Variants in STK31 observed in about 807,000 individuals in gnomAD.
STK31 encodes serine/threonine-protein kinase 31.
In STK31, 89 loss-of-function variants were observed where a neutral mutation model predicts 129.7. That is an observed-to-expected ratio of 0.69 (90% CI 0.58 to 0.82). STK31 has a LOEUF of 0.82. Among genes scored for constraint, STK31 ranks in the 40% least tolerant of loss-of-function variants. The pLI, the probability that STK31 is intolerant of heterozygous loss-of-function variation, is 0.00. For synonymous variants in STK31, 448 were observed against 395.3 expected, an observed-to-expected ratio of 1.13 and a Z score of -1.58; for missense variants, 1,187 against 1,176.4, an observed-to-expected ratio of 1.01 and a Z score of -0.13.
chr7:23,820,720 T>C (rs189013140), intron 23 of STK31, among the ~76,000 whole-genome samples: 88 of 152,346 alleles, frequency 5.8e-4, no homozygotes, highest in African/African-American at 1.9e-3. Flanking sequence ...CATTCAACTC[T>C]ACCTCTATGA....
At chr7:23,758,640 T>C in intron 10 of STK31, among the ~76,000 whole-genome samples, 1 of 152,188 alleles carries the variant, frequency 6.6e-6, no homozygotes, top group East Asian at 1.9e-4. Context: ...CACTACTTTA[T>C]CTGTGTCCTG....
At chr7:23,793,377 A>G (rs572794407) in intron 22 of STK31, among the ~76,000 whole-genome samples, 20 of 152,322 alleles carry the variant, frequency 1.3e-4, no homozygotes, top group African/African-American at 4.6e-4. Context: ...TCAACTCTAA[A>G]AGAAAAAAAT....
At chr7:23,740,623 C>A (rs1210789541) in intron 8 of STK31, among the ~76,000 whole-genome samples, 1 of 151,454 alleles carries the variant, frequency 6.6e-6, no homozygotes, top group East Asian at 1.9e-4. Flanking sequence ...TTAGGTATAT[C>A]TCCTAATGCT....
At position 23,832,509 on chromosome 7, in the gene STK31, C is replaced by T. The variant is rs1794624096; in HGVS notation, c.*143C>T. On this transcript the variant is annotated 3_prime_UTR_variant, in exon 24 of 24. Coordinates refer to ENST00000355870, the MANE Select transcript of STK31 (RefSeq NM_031414.5). ...AAAAATAAAGATGTTTGGCTATGCACAAAATAGTTTGTATGCTTTGAACTT... is the reference window on the plus strand; with the variant it reads ...AAAAATAAAGATGTTTGGCTATGCATAAAATAGTTTGTATGCTTTGAACTT... 1 of 651,454 alleles carries T rather than the reference C, an allele frequency of 1.5e-6. No individual in the cohort carries two copies. The highest frequency in any genetic ancestry group is 1.8e-5 in the African/African-American group (1 of 54,724). 40.4% of individuals were successfully genotyped at this position (651,454 alleles called of 1,614,324 possible).
At chr7:23,776,441 C>T (rs1790548943) in intron 15 of STK31, among the ~76,000 whole-genome samples, 1 of 152,112 alleles carries the variant, frequency 6.6e-6, no homozygotes, top group Non-Finnish European at 1.5e-5. Flanking sequence ...TGGAATTCAC[C>T]TGTGTATCTG....
chr7:23,796,931 T>A (rs12533715), intron 22 of STK31, among the ~76,000 whole-genome samples: 1 of 127,524 alleles, frequency 7.8e-6, no homozygotes, highest in Non-Finnish European at 1.8e-5. Context: ...ACCAAGATAA[T>A]GGAAAGCAAA....
At chr7:23,820,728 T>C (rs1793741789) in intron 23 of STK31, among the ~76,000 whole-genome samples, 1 of 152,188 alleles carries the variant, frequency 6.6e-6, no homozygotes, top group Non-Finnish European at 1.5e-5. Flanking sequence ...TCTACCTCTA[T>C]GAGATCAACT....
intron 23 of STK31, among the ~76,000 whole-genome samples, chr7:23,822,865 C>A (rs2390821): frequency 2.0e-5 from 3 of 152,010 alleles, no homozygotes; most frequent in African/African-American, 7.3e-5. Flanking sequence ...TTTGTCCTTG[C>A]GATAGTTTGC....
At chr7:23,803,473 T>G (rs1258655525) in intron 22 of STK31, among the ~76,000 whole-genome samples, 2 of 152,222 alleles carry the variant, frequency 1.3e-5, no homozygotes, top group Non-Finnish European at 2.9e-5. Context: ...ATCATTTTTC[T>G]TATGAGATCC....
chr7:23,804,929 T>G (rs10275301), intron 22 of STK31, among the ~76,000 whole-genome samples: 115,852 of 152,032 alleles, frequency 0.76, 44,753 homozygotes, highest in African/African-American at 0.88. Context: ...TATTTACTCA[T>G]TCTTGGACCC....
At chr7:23,774,573 A>G (rs916787488) in intron 15 of STK31, among the ~76,000 whole-genome samples, 2 of 152,206 alleles carry the variant, frequency 1.3e-5, no homozygotes, top group African/African-American at 4.8e-5. Flanking sequence ...GGCTGCATAA[A>G]TGTCTTCTTT....
At chr7:23,794,899 G>A (rs7781439) in intron 22 of STK31, among the ~76,000 whole-genome samples, 149,109 of 152,286 alleles carry the variant, frequency 0.98, 73,101 homozygotes, top group East Asian at 1. Flanking sequence ...GCATTGTTTT[G>A]TGTAATCACA....
intron 8 of STK31, among the ~76,000 whole-genome samples, chr7:23,741,366 A>G (rs1788045171): frequency 6.6e-6 from 1 of 152,212 alleles, no homozygotes; most frequent in South Asian, 2.1e-4. Context: ...TCTAATTGAT[A>G]GGGTTAGGAA....
Position 23,772,203 on chromosome 7 carries a change from A to G in STK31, c.1890A>G (p.Leu630=), listed in dbSNP as rs147172261. Residue 630 remains leucine, a synonymous_variant, in exon 15 of 24, where the codon CTA becomes CTG. Transcript: ENST00000355870. ...AGAGTCCCAGTGTGGATCACTTGCT[A>G]TCCATTAAGAAGACATTGAAAAGCT... ...LNKSPSVDHL[L]SIKKTLKSLK... is the part of the protein sequence containing the mutation. The G allele has an allele frequency of 2.8e-4, 451 of 1,605,958 alleles. 1 individual carries two copies. Among genetic ancestry groups the G allele is most frequent in the Admixed American group, 9.9e-4 (58 of 58,440 alleles).
chr7:23,710,089 T>C (rs1785823674), upstream of STK31: 2 of 867,718 alleles, frequency 2.3e-6, no homozygotes, highest in East Asian at 2.7e-5. Flanking sequence ...TGCCTGGGGG[T>C]CGGCAGCAGC....
chr7:23,829,099 C>T (rs529746588), intron 23 of STK31, among the ~76,000 whole-genome samples: 4 of 150,918 alleles, frequency 2.7e-5, no homozygotes, highest in East Asian at 3.9e-4. Context: ...TTAGTAGAGA[C>T]GAGGTTTCAC....
intron 23 of STK31, among the ~76,000 whole-genome samples, chr7:23,815,535 C>G (rs1793419205): frequency 6.6e-6 from 1 of 152,044 alleles, no homozygotes; most frequent in Admixed American, 6.6e-5. Flanking sequence ...CTAACTATAT[C>G]TTTGTCATTC....
chr7:23,721,269 A>G, intron 4 of STK31: 1 of 548,984 alleles, frequency 1.8e-6, no homozygotes, highest in Non-Finnish European at 3.3e-6. Flanking sequence ...TTCAAGACTA[A>G]GGGAATTACT....
chr7:23,795,587 C>T (rs551550508), intron 22 of STK31, among the ~76,000 whole-genome samples: 1 of 152,330 alleles, frequency 6.6e-6, no homozygotes, highest in East Asian at 1.9e-4. Context: ...GGTAGATCCA[C>T]TGACAGATCA....
Sources: gnomAD v4.1 joint callset for allele counts (sites outside exome capture counted in the v4.1 genomes callset) on GRCh38, gnomAD v4.1.1 for gene constraint, MANE v1.5 for transcripts, NCBI Gene and HGNC (gene_info 2026-07-23, HGNC 2026-07-21) for gene names.